Variants in PPP1R3B observed in about 807,000 individuals in gnomAD.
PPP1R3B encodes protein phosphatase 1 regulatory subunit 3B.
PPP1R3B carries 8 observed loss-of-function variants against 14.6 expected under a neutral mutation model. The observed-to-expected ratio is 0.55, with a 90% CI of 0.32 to 0.99. The LOEUF is 0.99. Among genes scored for constraint, PPP1R3B ranks in the 50% least tolerant of loss-of-function variants. The pLI is 0.04. For synonymous variants in PPP1R3B, 169 were observed against 142.0 expected (o/e 1.19, Z -1.35); for missense variants, 452 against 360.1 (o/e 1.26, Z -2.07).
chr8:9,146,111 C>T (rs1180815650), intron 1 of PPP1R3B, among the ~76,000 whole-genome samples: 3 of 152,200 alleles, frequency 2.0e-5, no homozygotes, highest in African/African-American at 7.2e-5. Flanking sequence ...TCAAGCAATC[C>T]TCCCGCTTCA....
At chr8:9,144,555 T>A (rs1182478959) in intron 1 of PPP1R3B, among the ~76,000 whole-genome samples, 1 of 152,192 alleles carries the variant, frequency 6.6e-6, no homozygotes, top group Non-Finnish European at 1.5e-5. Context: ...AATCATTTTT[T>A]ATCCTAATAT....
rs907482349 is a variant in PPP1R3B, at chr8:9,139,549, C to G, written c.*1245G>C. Reference sequence around the variant, plus strand: ...TCTTTGGGAAAGGAGATTCAAAATTCTCTTTTTTTTTCTGTTTGAGACGGA... The same window carrying G: ...TCTTTGGGAAAGGAGATTCAAAATTGTCTTTTTTTTTCTGTTTGAGACGGA... On this transcript the variant is annotated 3_prime_UTR_variant, in exon 2 of 2. Transcript: ENST00000310455. The G allele has an allele frequency of 6.6e-6, 1 of 151,502 alleles. No homozygotes were observed. Among genetic ancestry groups the G allele is most frequent in the African/African-American group, 2.4e-5 (1 of 41,178 alleles). 9.4% of individuals were successfully genotyped at this position (151,502 alleles called of 1,614,324 possible).
rs1216424701 is a variant in PPP1R3B at position 9,141,049 on chromosome 8, C to A, written c.603G>T (p.Lys201Asn). The A allele has an allele frequency of 6.2e-7, 1 of 1,614,182 alleles. No homozygotes were observed. Among genetic ancestry groups the A allele is most frequent in the East Asian group, 2.2e-5 (1 of 44,876 alleles). The change falls in exon 2 of 2, where the codon AAG (lysine) becomes AAT (asparagine). Residue 201 changes from lysine (K) to asparagine (N), a missense_variant. Transcript: ENST00000310455. ...ACTCCATTCTTTCATAAGACTGAAT[C>A]TTCTCGGGCAAGCTGATGTCGAAGG... ...TFSFDISLPEKIQSYERMEFA... is the reference protein window; with the variant it reads ...TFSFDISLPENIQSYERMEFA...
In PPP1R3B at chr8:9,141,629, T is replaced by C. The variant is rs750262696; in HGVS notation, c.23A>G (p.Tyr8Cys). MMAVDIE[Y>C]RYNCMAPSLR... is the part of the protein sequence containing the mutation. ...GGAAGGAGCCATGCAGTTGTATCTGTACTCGATGTCCACAGCCATCATGGG... is the reference window on the plus strand; with the variant it reads ...GGAAGGAGCCATGCAGTTGTATCTGCACTCGATGTCCACAGCCATCATGGG... The change falls in exon 2 of 2, where the codon TAC becomes TGC. Residue 8 changes from tyrosine to cysteine, a missense_variant. By Grantham distance (194) the Tyr-to-Cys change is radical. Transcript: ENST00000310455. The C allele has an allele frequency of 1.7e-5, 27 of 1,613,566 alleles. No homozygotes were observed. The highest frequency in any genetic ancestry group is 2.3e-5 in the Non-Finnish European group (27 of 1,179,866).
chr8:9,147,227 T>A (rs1222980535), intron 1 of PPP1R3B, among the ~76,000 whole-genome samples: 1 of 152,138 alleles, frequency 6.6e-6, no homozygotes. Context: ...GGTCTCGAAC[T>A]CCTGACCTCA....
chr8:9,146,368 G>A (rs1439387745), intron 1 of PPP1R3B, among the ~76,000 whole-genome samples: 1 of 152,144 alleles, frequency 6.6e-6, no homozygotes, highest in Non-Finnish European at 1.5e-5. Context: ...TCACTCTCAA[G>A]CAGCCATGGC....
chr8:9,149,909 G>C (rs1801366309), intron 1 of PPP1R3B, among the ~76,000 whole-genome samples: 1 of 152,228 alleles, frequency 6.6e-6, no homozygotes, highest in African/African-American at 2.4e-5. Flanking sequence ...CAGAGTACTA[G>C]GCTAAGAATG....
chr8:9,147,706 G>A (rs991351841), intron 1 of PPP1R3B, among the ~76,000 whole-genome samples: 1 of 151,734 alleles, frequency 6.6e-6, no homozygotes, highest in Non-Finnish European at 1.5e-5. Context: ...TTGTCCCTGA[G>A]ATCCCTTTTT....
intron 1 of PPP1R3B, among the ~76,000 whole-genome samples, chr8:9,148,009 C>T (rs1281498055): frequency 6.6e-6 from 1 of 152,142 alleles, no homozygotes; most frequent in African/African-American, 2.4e-5. Flanking sequence ...TATGACTCGA[C>T]TGTCAGTCAC....
intron 1 of PPP1R3B, among the ~76,000 whole-genome samples, chr8:9,146,889 A>G (rs1801256829): frequency 6.6e-6 from 1 of 152,138 alleles, no homozygotes; most frequent in Admixed American, 6.5e-5. Flanking sequence ...CAAAATATCT[A>G]AATTTTAGTT....
At position 9,141,125 on chromosome 8, in the gene PPP1R3B, G is replaced by A. The variant is rs759567208; in HGVS notation, c.527C>T (p.Pro176Leu). 25 of 1,614,094 alleles carry A rather than the reference G, an allele frequency of 1.5e-5. No homozygotes were observed. Among genetic ancestry groups the A allele is most frequent in the South Asian group, 2.2e-5 (2 of 91,086 alleles). ...FDTWKSYTDF[P>L]CQYVKDTYAG... The stretch of plus-strand genomic sequence containing the variant: ...ATAAGTGTCCTTCACGTACTGACAA[G>A]GAAAGTCTGTGTAGCTCTTCCAGGT... The change falls in exon 2 of 2, where the codon CCT (proline) becomes CTT (leucine). Residue 176 changes from proline (P) to leucine (L), a missense_variant. Transcript: ENST00000310455.
In PPP1R3B at chr8:9,140,611, G is replaced by A; in HGVS notation, c.*183C>T. 2 of 663,906 alleles carry A rather than the reference G, an allele frequency of 3.0e-6. No homozygotes were observed. The highest frequency in any genetic ancestry group is 2.0e-5 in the South Asian group (1 of 50,662). The allele number at this position is 663,906 out of a possible 1,614,324, so 41.1% of individuals were successfully genotyped here. On this transcript the variant is annotated 3_prime_UTR_variant, in exon 2 of 2. Transcript: ENST00000310455. ...TGCTCCTTTGAGTGAGACACTGGTT[G>A]TGTAATCTGAACCTGGCTGGATTTG...
Position 9,141,438 on chromosome 8 carries a change from C to A in PPP1R3B, c.214G>T (p.Ala72Ser). Residue 72 changes from alanine (A) to serine (S), a missense_variant, in exon 2 of 2, where the codon GCC becomes TCC. Coordinates refer to ENST00000310455, the MANE Select transcript of PPP1R3B (RefSeq NM_024607.4). ...GAGAACACTTTGACCATTGTCAGGG[C>A]CAGCCCCTGGTTGTCTGCGAAGGAC... is the stretch of plus-strand genomic sequence containing the variant. ...RVSFADNQGL[A>S]LTMVKVFSEF... 6.2e-7 allele frequency: 1 copy of A among 1,614,154 alleles called. No individual in the cohort carries two copies. Among genetic ancestry groups the A allele is most frequent in the South Asian group, 1.1e-5 (1 of 91,078 alleles).
intron 1 of PPP1R3B, among the ~76,000 whole-genome samples, chr8:9,149,924 C>T (rs998692607): frequency 1.3e-5 from 2 of 152,242 alleles, no homozygotes; most frequent in African/African-American, 4.8e-5. Flanking sequence ...AGAATGCCCG[C>T]ACCTTGCTTT....
Position 9,136,794 on chromosome 8 carries a change from T to C in PPP1R3B, c.*4000A>G, listed in dbSNP as rs767044368. On this transcript the variant is annotated 3_prime_UTR_variant, in exon 2 of 2. Transcript: ENST00000310455. Reference sequence around the variant, plus strand: ...TGATCGGGACTCTCCCAGGACTACATTCAGGTGAGAAATTTTAGAAGAGGA... The same window carrying C: ...TGATCGGGACTCTCCCAGGACTACACTCAGGTGAGAAATTTTAGAAGAGGA... The C allele has an allele frequency of 4.6e-5, 7 of 152,190 alleles. No homozygotes were observed. Among genetic ancestry groups the C allele is most frequent in the Non-Finnish European group, 7.3e-5 (5 of 68,044 alleles). The allele number at this position is 152,190 out of a possible 1,614,324, so 9.4% of individuals were successfully genotyped here.
chr8:9,138,635 G>A lies in PPP1R3B; in HGVS notation c.*2159C>T, dbSNP rs1305127829. Reference sequence around the variant, plus strand: ...ATTAATCTGGAAAATCCAAGCACAAGACTCTTAGCTTGAAAAGCCTGACAA... The same window carrying A: ...ATTAATCTGGAAAATCCAAGCACAAAACTCTTAGCTTGAAAAGCCTGACAA... On this transcript the variant is annotated 3_prime_UTR_variant, in exon 2 of 2. Transcript: ENST00000310455. 1.3e-5 allele frequency: 2 copies of A among 152,166 alleles called. No individual in the cohort carries two copies. The highest frequency in any genetic ancestry group is 4.8e-5 in the African/African-American group (2 of 41,440). 9.4% of individuals were successfully genotyped at this position (152,166 alleles called of 1,614,324 possible). A position where few individuals can be genotyped will look rare whatever the true frequency, so the allele number is the denominator to read the frequency against.
intron 1 of PPP1R3B, among the ~76,000 whole-genome samples, chr8:9,149,114 A>T (rs1801333107): frequency 6.9e-6 from 1 of 144,846 alleles, no homozygotes; most frequent in South Asian, 2.2e-4. Flanking sequence ...AATGGCGCGA[A>T]CCCGGGAGGC....
intron 1 of PPP1R3B, chr8:9,141,941 T>C: frequency 3.0e-6 from 1 of 333,618 alleles, no homozygotes. Context: ...GTTTTAAAAC[T>C]AAATGCACAG....
intron 1 of PPP1R3B, among the ~76,000 whole-genome samples, chr8:9,147,965 T>G (rs2117619130): frequency 6.6e-6 from 1 of 152,222 alleles, no homozygotes; most frequent in South Asian, 2.1e-4. Context: ...TAACTGCAGG[T>G]GAGGACATTA....
Sources: gnomAD v4.1 joint callset for allele counts (sites outside exome capture counted in the v4.1 genomes callset) on GRCh38, gnomAD v4.1.1 for gene constraint, MANE v1.5 for transcripts, NCBI Gene and HGNC (gene_info 2026-07-23, HGNC 2026-07-21) for gene names.